Variants in OC90 observed in about 807,000 individuals in gnomAD.
The protein encoded by OC90 is otoconin-90.
A neutral mutation model predicts 47.3 loss-of-function variants in OC90; 46 were observed. The observed-to-expected ratio is 0.97, with a 90% CI of 0.77 to 1.24. OC90 has a LOEUF of 1.24. Among genes scored for constraint, OC90 ranks in the 50% most tolerant of loss-of-function variants. The pLI, the probability that OC90 is intolerant of heterozygous loss-of-function variation, is 0.00. For missense variants in OC90, 688 were observed against 583.9 expected (o/e 1.18, Z -1.84); for synonymous variants, 271 against 219.5 (o/e 1.23, Z -2.07).
chr8:132,049,476 A>G (rs1823184079), intron 2 of OC90, among the ~76,000 whole-genome samples: 1 of 152,208 alleles, frequency 6.6e-6, no homozygotes, highest in Non-Finnish European at 1.5e-5. Context: ...GCTCCAGGTC[A>G]GGGTGTATGA....
Position 132,024,502 on chromosome 8 carries a change from G to C in OC90, c.1413C>G (p.Ile471Met), listed in dbSNP as rs141981890. The change falls in exon 14 of 14, where the codon ATC (isoleucine) becomes ATG (methionine). Residue 471 changes from isoleucine (I) to methionine (M), a missense_variant. By Grantham distance (10) the Ile-to-Met change is conservative (BLOSUM62 1). Transcript: ENST00000254627. Reference protein sequence around the residue: ...FLRKSLGPLGIGPLHGR With the variant: ...FLRKSLGPLGMGPLHGR ...GCATCTATCTTCCATGAAGAGGCCCGATCCCCAAGGGACCCAGTGACTTCC... is the reference window on the plus strand; with the variant it reads ...GCATCTATCTTCCATGAAGAGGCCCCATCCCCAAGGGACCCAGTGACTTCC... The C allele has an allele frequency of 3.8e-6, 6 of 1,566,288 alleles. No homozygotes were observed. Among genetic ancestry groups the C allele is most frequent in the Non-Finnish European group, 5.2e-6 (6 of 1,154,296 alleles).
At chr8:132,058,610 G>A (rs1823306056) in intron 1 of OC90, among the ~76,000 whole-genome samples, 1 of 152,138 alleles carries the variant, frequency 6.6e-6, no homozygotes, top group Non-Finnish European at 1.5e-5. Flanking sequence ...AAGATGCCTG[G>A]AACTCATTTT....
chr8:132,036,651 G>A (rs1822969228), intron 9 of OC90, among the ~76,000 whole-genome samples: 1 of 152,254 alleles, frequency 6.6e-6, no homozygotes, highest in Non-Finnish European at 1.5e-5. Flanking sequence ...CTTCAGGGGT[G>A]AAGGGCCATT....
Position 132,024,302 on chromosome 8 carries a change from C to A in OC90, c.*179G>T. 1.8e-6 allele frequency: 1 copy of A among 540,646 alleles called. No individual in the cohort carries two copies. The highest frequency in any genetic ancestry group is 3.2e-6 in the Non-Finnish European group (1 of 307,716). The allele number at this position is 540,646 out of a possible 1,614,324, so 33.5% of individuals were successfully genotyped here. ...TGTGCCTTCTCCAAGTGTACATTGG[C>A]TTGTGAGGTGACCACAGCTGATGAG... On this transcript the variant is annotated 3_prime_UTR_variant, in exon 14 of 14. Coordinates refer to ENST00000254627, the MANE Select transcript of OC90 (RefSeq NM_001080399.3).
In OC90 at chr8:132,039,104, C is replaced by T; in HGVS notation, c.477G>A (p.Glu159=). 1 of 1,610,686 alleles carries T rather than the reference C, an allele frequency of 6.2e-7. No individual in the cohort carries two copies. Among genetic ancestry groups the T allele is most frequent in the South Asian group, 1.1e-5 (1 of 90,268 alleles). The change falls in exon 7 of 14, where the codon GAG becomes GAA. Residue 159 remains glutamate (E), a synonymous_variant. Coordinates refer to ENST00000254627, the MANE Select transcript of OC90 (RefSeq NM_001080399.3). Reference sequence around the variant, plus strand: ...CCTTATCACAGGTACACAGCAGGTGCTCACAGTTGTCCTTGGACTCTGCAC... The same window carrying T: ...CCTTATCACAGGTACACAGCAGGTGTTCACAGTTGTCCTTGGACTCTGCAC... ...KIICESKDNC[E]HLLCTCDKAA...
rs1822731115 is a variant in OC90, at chr8:132,024,744, A to G, written c.1171T>C (p.Cys391Arg). Residue 391 changes from cysteine (C) to arginine (R), a missense_variant, in exon 14 of 14, where the codon TGT becomes CGT. Physicochemically the swap from Cys to Arg is radical, Grantham distance 180. Transcript: ENST00000254627. ...TCAGCTGCCGTCTGGTCACAGGCAC[A>G]GAGCAACTTCTCACACAGGCTTTGG... ...GGQSLCEKLL[C>R]ACDQTAAECM... is the part of the protein sequence containing the mutation. 4 of 1,613,842 alleles carry G rather than the reference A, an allele frequency of 2.5e-6. No individual in the cohort carries two copies. The highest frequency in any genetic ancestry group is 1.7e-6 in the Non-Finnish European group (2 of 1,179,826).
intron 1 of OC90, among the ~76,000 whole-genome samples, chr8:132,056,050 G>A (rs1823275997): frequency 6.6e-6 from 1 of 152,186 alleles, no homozygotes; most frequent in African/African-American, 2.4e-5. Context: ...AAGTATGAAT[G>A]ATAACACATC....
chr8:132,032,939 C>G (rs1206782918), intron 11 of OC90, 100 bp downstream of exon 11: 1 of 1,324,390 alleles, frequency 7.6e-7, no homozygotes, highest in Non-Finnish European at 1.0e-6. Context: ...ATCACACCCC[C>G]ATGAGAAGGT....
At chr8:132,054,528 C>T (rs947767338) in intron 2 of OC90, among the ~76,000 whole-genome samples, 5 of 152,118 alleles carry the variant, frequency 3.3e-5, no homozygotes, top group South Asian at 2.1e-4. Context: ...CCAGAATTGG[C>T]GAATATGTTG....
At chr8:132,035,156 GA>G (rs1822939233) in intron 9 of OC90, among the ~76,000 whole-genome samples, 1 of 152,246 alleles carries the variant, frequency 6.6e-6, no homozygotes, top group Non-Finnish European at 1.5e-5. Context: ...GTACATTTTG[GA>G]ACAGAGGAGC....
intron 1 of OC90, among the ~76,000 whole-genome samples, chr8:132,058,977 C>T (rs868334031): frequency 6.6e-6 from 1 of 152,192 alleles, no homozygotes; most frequent in Middle Eastern, 3.4e-3. Flanking sequence ...GCATCCCCTA[C>T]CACCTTATCC....
chr8:132,037,607 GGGCTT>G, intron 8 of OC90, 119 bp from the exon 9 acceptor site: 1 of 823,392 alleles, frequency 1.2e-6, no homozygotes, highest in Non-Finnish European at 2.0e-6. Flanking sequence ...GGCTGAGAAA[GGGCTT>G]ACTAAGAAGA....
At chr8:132,039,998 G>A (rs191002324) in intron 6 of OC90, among the ~76,000 whole-genome samples, 1 of 152,310 alleles carries the variant, frequency 6.6e-6, no homozygotes, top group African/African-American at 2.4e-5. Flanking sequence ...TGACAATGGT[G>A]AGGACATTCC....
In OC90 at chr8:132,041,490, T is replaced by G. The variant is rs143538533; in HGVS notation, c.344+35A>C. ...CAGCCAGGCCTCCCATGAGCTCACT[T>G]TTTTTGGTCTTGCTCACCTGTGGAA... On this transcript the variant is annotated intron_variant, in intron 5 of 13. Coordinates refer to ENST00000254627, the MANE Select transcript of OC90 (RefSeq NM_001080399.3). 377 of 1,580,074 alleles carry G rather than the reference T, an allele frequency of 2.4e-4. No homozygotes were observed. The African/African-American group carries it at 4.2e-3, about 18-fold the overall frequency.
In OC90 at chr8:132,024,269, T is replaced by C. The variant is rs189658309; in HGVS notation, c.*212A>G. ...ACAGTGCACTAAAGGAGCATGGAGGTACCATGGTGTGCCTTCTCCAAGTGT... is the reference window on the plus strand; with the variant it reads ...ACAGTGCACTAAAGGAGCATGGAGGCACCATGGTGTGCCTTCTCCAAGTGT... On this transcript the variant is annotated 3_prime_UTR_variant, in exon 14 of 14. Transcript: ENST00000254627. The C allele has an allele frequency of 4.9e-5, 24 of 486,588 alleles. No homozygotes were observed. The East Asian group carries it at 5.9e-4, about 12-fold the overall frequency. 30.1% of individuals were successfully genotyped at this position (486,588 alleles called of 1,614,324 possible).
intron 2 of OC90, among the ~76,000 whole-genome samples, chr8:132,048,534 GA>G (rs1355105488): frequency 5.3e-5 from 8 of 151,368 alleles, no homozygotes; most frequent in Non-Finnish European, 1.2e-4. Flanking sequence ...TTTCCTGACT[GA>G]AAAACCCTTG....
In OC90 at chr8:132,045,770, T is replaced by C. The variant is rs571400363; in HGVS notation, c.112+48A>G. On this transcript the variant is annotated intron_variant, in intron 3 of 13. Coordinates refer to ENST00000254627, the MANE Select transcript of OC90 (RefSeq NM_001080399.3). ...GGGATCATTTTCTCTGCCAATATCCTAGACAACTTTCTACTCTGCTCCTAA... is the reference window on the plus strand; with the variant it reads ...GGGATCATTTTCTCTGCCAATATCCCAGACAACTTTCTACTCTGCTCCTAA... 8 of 1,062,846 alleles carry C rather than the reference T, an allele frequency of 7.5e-6. No individual in the cohort carries two copies. In the East Asian group the frequency reaches 1.8e-4, roughly 24 times the overall value. The allele number at this position is 1,062,846 out of a possible 1,614,324, so 65.8% of individuals were successfully genotyped here.
At chr8:132,030,574 C>G (rs1822859148) in intron 12 of OC90, among the ~76,000 whole-genome samples, 1 of 152,196 alleles carries the variant, frequency 6.6e-6, no homozygotes, top group South Asian at 2.1e-4. Flanking sequence ...GCTATGTACT[C>G]AAAAACCTTG....
At chr8:132,042,895 C>T (rs1332256502) in intron 4 of OC90, among the ~76,000 whole-genome samples, 2 of 152,142 alleles carry the variant, frequency 1.3e-5, no homozygotes, top group African/African-American at 4.8e-5. Context: ...TGCTATTTGA[C>T]CCAGGAATTC....
Sources: allele counts gnomAD v4.1 joint callset (sites outside exome capture counted in the v4.1 genomes callset), GRCh38; gene constraint gnomAD v4.1.1; transcripts MANE v1.5; gene names NCBI Gene and HGNC (gene_info 2026-07-23, HGNC 2026-07-21).